The following PRDM16 variants were observed in gnomAD, a reference collection of about 807,000 sequenced individuals.
PRDM16 encodes the protein histone-lysine N-methyltransferase PRDM16.
Under a neutral mutation model 110.6 loss-of-function variants are expected in PRDM16, and 23 were observed. That is an observed-to-expected ratio of 0.21 (90% CI 0.15 to 0.29). PRDM16 has a LOEUF of 0.29. PRDM16 is among the 10% of genes least tolerant of loss of function. The pLI, the probability that PRDM16 is intolerant of heterozygous loss-of-function variation, is 1.00. For missense variants in PRDM16, 1,615 were observed against 1,794.3 expected (o/e 0.90, Z 1.81); for synonymous variants, 799 against 781.8 (o/e 1.02, Z -0.37).
chr1:3,146,490 G>GTT, intron 1 of PRDM16, among the ~76,000 whole-genome samples: 1 of 148,034 alleles, frequency 6.8e-6, no homozygotes, highest in Non-Finnish European at 1.5e-5. Flanking sequence ...GCTTGGTTGG[G>GTT]GTGTATATGT....
At chr1:3,165,699 A>AGGC (rs1381865338) in intron 1 of PRDM16, among the ~76,000 whole-genome samples, 1 of 68,892 alleles carries the variant, frequency 1.5e-5, no homozygotes, top group Non-Finnish European at 2.6e-5. Flanking sequence ...AGGGACAGGG[A>AGGC]CTCACCTGGG....
At chr1:3,097,039 C>T (rs1280570062) in intron 1 of PRDM16, among the ~76,000 whole-genome samples, 1 of 151,934 alleles carries the variant, frequency 6.6e-6, no homozygotes, top group African/African-American at 2.4e-5. Context: ...GCATCGGGTG[C>T]GTGTGCTCCT....
intron 1 of PRDM16, among the ~76,000 whole-genome samples, chr1:3,102,622 G>T (rs776617142): frequency 6.6e-6 from 1 of 152,198 alleles, no homozygotes; most frequent in African/African-American, 2.4e-5. Context: ...GTTTGCCCTC[G>T]GAGACAGGCT....
At chr1:3,200,285 A>G (rs1265625031) in intron 2 of PRDM16, among the ~76,000 whole-genome samples, 2 of 152,118 alleles carry the variant, frequency 1.3e-5, no homozygotes, top group Non-Finnish European at 2.9e-5. Flanking sequence ...GCAGAAAACC[A>G]CAGGCTCTAC....
In PRDM16 at chr1:3,190,124, G is replaced by A. The variant is rs1048766723; in HGVS notation, c.387+3650G>A. 2.0e-5 allele frequency among the ~76,000 whole-genome samples: 3 copies of A among 152,076 alleles called. No homozygotes were observed. Among genetic ancestry groups the A allele is most frequent in the Non-Finnish European group, 4.4e-5 (3 of 68,016 alleles). On this transcript the variant is annotated intron_variant, in intron 2 of 16. Coordinates refer to ENST00000270722, the MANE Select transcript of PRDM16 (RefSeq NM_022114.4). The surrounding 1 kb of genome is among the most constrained non-coding windows in gnomAD (Gnocchi z 5.0). ...ACTCCCTGGGGATGAGAGATGGGGC[G>A]GGCAGCACGTGAGGCACCCACGAGC...
At chr1:3,095,489 C>T (rs1158100184) in intron 1 of PRDM16, among the ~76,000 whole-genome samples, 1 of 152,146 alleles carries the variant, frequency 6.6e-6, no homozygotes, top group Non-Finnish European at 1.5e-5. Context: ...CAGCCCTGTG[C>T]GGCTGTGTCC....
chr1:3,423,561 G>A (rs892176247), intron 12 of PRDM16, among the ~76,000 whole-genome samples: 5 of 152,178 alleles, frequency 3.3e-5, no homozygotes, highest in South Asian at 2.1e-4. Flanking sequence ...CACCAGGCAC[G>A]TCCCCATCCA....
intron 3 of PRDM16, among the ~76,000 whole-genome samples, chr1:3,256,625 G>A (rs545854433): frequency 2.7e-4 from 41 of 152,172 alleles, no homozygotes; most frequent in Non-Finnish European, 5.0e-4. Flanking sequence ...TTGGGAGGCC[G>A]AGGCAGGCGG....
rs991299789 is a variant in PRDM16, at chr1:3,353,139, C to T, written c.439-32013C>T. Among the ~76,000 whole-genome samples, 4 of 152,254 alleles carry T rather than the reference C, an allele frequency of 2.6e-5. No homozygotes were observed. Among genetic ancestry groups the T allele is most frequent in the Admixed American group, 2.0e-4 (3 of 15,294 alleles). On this transcript the variant is annotated intron_variant, in intron 3 of 16. Coordinates refer to ENST00000270722, the MANE Select transcript of PRDM16 (RefSeq NM_022114.4). This position sits in a 1 kb window ranked among gnomAD's most constrained non-coding sequence, Gnocchi z 5.4. ...AGCTGGCCCCCAGCCCAGACTCCCA[C>T]GCAGGGACGTCCCTCACAGCAGGAT...
At chr1:3,232,910 C>T (rs1030190950) in intron 2 of PRDM16, among the ~76,000 whole-genome samples, 84 of 151,672 alleles carry the variant, frequency 5.5e-4, no homozygotes, top group African/African-American at 1.9e-3. Flanking sequence ...AGGAGATCTA[C>T]GACCCTTCTT....
rs1642788966 is a variant in PRDM16 at position 3,111,422 on chromosome 1, C to A, written c.37+42126C>A. ...AGGATTCTTGTCAAGGGGTGGAAAGCCAGGCCAGGCACCTGTGTGGACCCA... is the reference window on the plus strand; with the variant it reads ...AGGATTCTTGTCAAGGGGTGGAAAGACAGGCCAGGCACCTGTGTGGACCCA... On this transcript the variant is annotated intron_variant, in intron 1 of 16. Coordinates refer to ENST00000270722, the MANE Select transcript of PRDM16 (RefSeq NM_022114.4). 3.7e-5 allele frequency among the ~76,000 whole-genome samples: 5 copies of A among 135,258 alleles called. No homozygotes were observed. In the South Asian group the frequency reaches 1.4e-3, roughly 37 times the overall value. 88.7% of individuals were successfully genotyped at this position (135,258 alleles called of 152,430 possible). A position where few individuals can be genotyped will look rare whatever the true frequency, so the allele number is the denominator to read the frequency against.
chr1:3,417,013 C>G (rs186782005), intron 10 of PRDM16, among the ~76,000 whole-genome samples: 2 of 152,346 alleles, frequency 1.3e-5, no homozygotes, highest in African/African-American at 2.4e-5. Flanking sequence ...ATCAGCCCAG[C>G]CCTTCCCCTC....
At chr1:3,357,386 G>T (rs529693440) in intron 3 of PRDM16, among the ~76,000 whole-genome samples, 79 of 150,406 alleles carry the variant, frequency 5.3e-4, no homozygotes, top group African/African-American at 1.9e-3. Context: ...ACCTTCAGCC[G>T]TGTGCTTCCC....
chr1:3,344,227 A>G (rs930665571), intron 3 of PRDM16, among the ~76,000 whole-genome samples: 5 of 152,102 alleles, frequency 3.3e-5, no homozygotes, highest in African/African-American at 1.2e-4. Flanking sequence ...AGTCCTAGCT[A>G]CTTGCAAGGC....
In PRDM16 at chr1:3,372,164, C is replaced by T. The variant is rs546901548; in HGVS notation, c.439-12988C>T. Among the ~76,000 whole-genome samples the T allele has an allele frequency of 7.2e-5, 11 of 152,344 alleles. No homozygotes were observed. The East Asian group carries it at 1.4e-3, about 19-fold the overall frequency. On this transcript the variant is annotated intron_variant, in intron 3 of 16. Transcript: ENST00000270722. Reference sequence around the variant, plus strand: ...CACAAACCCCTCAGGAACCAACCAACGGGGAAGAGCTGGGTGAGGGACCCC... The same window carrying T: ...CACAAACCCCTCAGGAACCAACCAATGGGGAAGAGCTGGGTGAGGGACCCC...
intron 8 of PRDM16, among the ~76,000 whole-genome samples, chr1:3,407,144 G>T (rs1266074214): frequency 1.3e-5 from 2 of 152,202 alleles, no homozygotes; most frequent in African/African-American, 4.8e-5. Context: ...CTGGACTCAG[G>T]TGTTCTTGCT....
chr1:3,298,257 C>T (rs773981921), intron 3 of PRDM16, among the ~76,000 whole-genome samples: 15 of 152,206 alleles, frequency 9.9e-5, no homozygotes, highest in Non-Finnish European at 1.6e-4. Context: ...ACCTCGTGTT[C>T]GAGTCCTGCA....
At chr1:3,242,894 C>T (rs574971319) in intron 2 of PRDM16, among the ~76,000 whole-genome samples, 1 of 152,318 alleles carries the variant, frequency 6.6e-6, no homozygotes, top group Admixed American at 6.5e-5. Context: ...TTTCCGTATA[C>T]TCGACCGTGC....
At chr1:3,195,501 A>G (rs1161744940) in intron 2 of PRDM16, among the ~76,000 whole-genome samples, 2 of 152,182 alleles carry the variant, frequency 1.3e-5, no homozygotes, top group Admixed American at 6.5e-5. Context: ...CGAAAAAGGA[A>G]ATAAATATTT....
Sources: gnomAD v4.1 joint callset for allele counts (sites outside exome capture counted in the v4.1 genomes callset) on GRCh38, gnomAD v4.1.1 for gene constraint, Gnocchi (gnomAD v3.1) non-coding constraint, MANE v1.5 for transcripts, NCBI Gene and HGNC (gene_info 2026-07-23, HGNC 2026-07-21) for gene names.